UNC13A: variants seen among roughly 807,000 people sequenced by gnomAD.
UNC13A encodes protein unc-13 homolog A.
UNC13A carries 61 observed loss-of-function variants against 219.7 expected under a neutral mutation model. The observed-to-expected ratio is 0.28, with a 90% confidence interval of 0.23 to 0.34. UNC13A has a LOEUF of 0.34. UNC13A is among the 10% of genes least tolerant of loss of function. UNC13A has a pLI of 1.00. For missense variants in UNC13A, 1,476 were observed against 2,270.3 expected, an observed-to-expected ratio of 0.65 and a Z score of 7.11; for synonymous variants, 920 against 884.6, an observed-to-expected ratio of 1.04 and a Z score of -0.71.
intron 30 of UNC13A, among the ~76,000 whole-genome samples, chr19:17,629,688 C>T (rs1415031891): frequency 6.6e-6 from 1 of 151,942 alleles, no homozygotes; most frequent in South Asian, 2.1e-4. Context: ...TGATCCCAAC[C>T]CTCAAACTCA....
chr19:17,673,957 G>A (rs1295397300), intron 3 of UNC13A, among the ~76,000 whole-genome samples: 2 of 152,186 alleles, frequency 1.3e-5, no homozygotes, highest in African/African-American at 2.4e-5. Context: ...GTTGAAGTGA[G>A]CCGAGATTAT....
chr19:17,614,195 TG>T (rs1392587667), intron 41 of UNC13A: 3 of 149,984 alleles, frequency 2.0e-5, no homozygotes, highest in South Asian at 2.1e-4. Context: ...TTAGTAGAGA[TG>T]GGGTTTCACC....
At chr19:17,622,947 A>C (rs1449174431) in intron 36 of UNC13A, 1 of 152,352 alleles carries the variant, frequency 6.6e-6, no homozygotes, top group African/African-American at 2.4e-5. Context: ...TCTACCTGAC[A>C]TCAAAGCCAT....
intron 1 of UNC13A, among the ~76,000 whole-genome samples, chr19:17,686,306 C>G (rs1172974202): frequency 4.0e-5 from 2 of 49,880 alleles, no homozygotes; most frequent in Admixed American, 1.4e-4. Context: ...CCGCCCCCCC[C>G]CCCCCCCCCC....
chr19:17,631,051 C>T (rs182127134), intron 28 of UNC13A, among the ~76,000 whole-genome samples: 3 of 149,068 alleles, frequency 2.0e-5, no homozygotes, highest in Admixed American at 6.7e-5. Flanking sequence ...AGTCCTCCGT[C>T]CATCCTTCCC....
At chr19:17,626,893 C>T (rs748968399) in intron 33 of UNC13A, 108 bp from the exon 34 acceptor site, 2 of 1,430,112 alleles carry the variant, frequency 1.4e-6, no homozygotes, top group African/African-American at 1.4e-5. Flanking sequence ...AGCACATAAC[C>T]GAGCAAGAAT....
Position 17,627,946 on chromosome 19 carries a change from G to T in UNC13A, c.3754-6C>A. ...TTATTCATGAGAATGCAGGGCTGTG[G>T]GTGGGAACAGAGAGGGGAGTCAAGC... On this transcript the variant is annotated splice_region_variant and splice_polypyrimidine_tract_variant and intron_variant, in intron 31 of 43. Coordinates refer to ENST00000519716, the MANE Select transcript of UNC13A (RefSeq NM_001080421.3). This position sits in a 1 kb window ranked among gnomAD's most constrained non-coding sequence, Gnocchi z 4.7. 1 of 1,586,496 alleles carries T rather than the reference G, an allele frequency of 6.3e-7. No individual in the cohort carries two copies.
chr19:17,623,431 G>T, intron 36 of UNC13A, 111 bp downstream of exon 36: 1 of 792,190 alleles, frequency 1.3e-6, no homozygotes, highest in Non-Finnish European at 2.0e-6. Flanking sequence ...GGAGGATGGT[G>T]GGTGAGGAGG....
In UNC13A at chr19:17,649,267, G is replaced by C. The variant is rs2079300005; in HGVS notation, c.1524+72C>G. 4 of 1,540,226 alleles carry C rather than the reference G, an allele frequency of 2.6e-6. No individual in the cohort carries two copies. Among genetic ancestry groups the C allele is most frequent in the Non-Finnish European group, 3.5e-6 (4 of 1,148,532 alleles). On this transcript the variant is annotated intron_variant, in intron 14 of 43. Coordinates refer to ENST00000519716, the MANE Select transcript of UNC13A (RefSeq NM_001080421.3). The surrounding 1 kb of genome is among the most constrained non-coding windows in gnomAD (Gnocchi z 4.4). The stretch of plus-strand genomic sequence containing the variant: ...GGTTCCCCCATAATCCATGAATTGG[G>C]GGCCTGTTAGAAGATCCCAGTGGGG...
intron 38 of UNC13A, 64 bp downstream of exon 38, chr19:17,620,629 G>A (rs1313554003): frequency 1.8e-5 from 27 of 1,459,560 alleles, no homozygotes; most frequent in Non-Finnish European, 2.5e-5. Context: ...GTGGAAGGGG[G>A]CACAGGGGTG....
intron 30 of UNC13A, 81 bp downstream of exon 30, chr19:17,630,064 C>T (rs1212616717): frequency 6.8e-7 from 1 of 1,467,378 alleles, no homozygotes; most frequent in Non-Finnish European, 9.2e-7. Flanking sequence ...CAACCTCAAC[C>T]TTAGCCCATC....
intron 21 of UNC13A, among the ~76,000 whole-genome samples, chr19:17,641,185 C>T (rs1309367793): frequency 6.6e-6 from 1 of 152,058 alleles, no homozygotes; most frequent in Non-Finnish European, 1.5e-5. Context: ...CAGCCTCTAT[C>T]TCTGCTTCTA....
intron 1 of UNC13A, among the ~76,000 whole-genome samples, chr19:17,678,188 A>C (rs1369359829): frequency 1.3e-5 from 2 of 152,062 alleles, no homozygotes; most frequent in Non-Finnish European, 2.9e-5. Flanking sequence ...GTCAGTAAAG[A>C]CTGTTCCTGG....
At chr19:17,660,733 C>T (rs890812681) in intron 8 of UNC13A, among the ~76,000 whole-genome samples, 1 of 151,448 alleles carries the variant, frequency 6.6e-6, no homozygotes. Flanking sequence ...GGTTTCGTCA[C>T]GTTGGCCAGG....
chr19:17,656,437 A>G, intron 9 of UNC13A, 39 bp from the exon 10 acceptor site: 1 of 1,465,994 alleles, frequency 6.8e-7, no homozygotes. Context: ...TGGGGTACCG[A>G]GTCACTGCCC....
In UNC13A at chr19:17,654,344, C is replaced by G. The variant is rs1024729639; in HGVS notation, c.1392+930G>C. ...TGACCTAGTGGAAGTTATCCAACAG[C>G]CTTTTCACTGTGTCCTCTTCCACCT... On this transcript the variant is annotated intron_variant, in intron 11 of 43. Coordinates refer to ENST00000519716, the MANE Select transcript of UNC13A (RefSeq NM_001080421.3). 9.9e-5 allele frequency among the ~76,000 whole-genome samples: 15 copies of G among 152,170 alleles called. 1 individual carries two copies. The South Asian group carries it at 3.1e-3, about 32-fold the overall frequency.
At chr19:17,662,967 A>AG (rs1044470693) in intron 8 of UNC13A, among the ~76,000 whole-genome samples, 12 of 148,348 alleles carry the variant, frequency 8.1e-5, no homozygotes, top group Non-Finnish European at 1.3e-4. Flanking sequence ...TAATTTAGGG[A>AG]GGGGGTGGCT....
chr19:17,654,210 G>A (rs1481540299), intron 11 of UNC13A, among the ~76,000 whole-genome samples: 1 of 152,146 alleles, frequency 6.6e-6, no homozygotes, highest in Non-Finnish European at 1.5e-5. Flanking sequence ...ATGAAACCCA[G>A]AGAGCCTTCC....
intron 19 of UNC13A, 136 bp downstream of exon 19, chr19:17,645,538 C>T (rs1228327282): frequency 6.1e-6 from 8 of 1,301,540 alleles, no homozygotes; most frequent in Non-Finnish European, 8.4e-6. Flanking sequence ...GCTCCTAGAC[C>T]CTGCCTCCCC....
Sources: gnomAD v4.1 joint callset for allele counts (sites outside exome capture counted in the v4.1 genomes callset) on GRCh38, gnomAD v4.1.1 for gene constraint, Gnocchi (gnomAD v3.1) non-coding constraint, MANE v1.5 for transcripts, NCBI Gene and HGNC (gene_info 2026-07-23, HGNC 2026-07-21) for gene names.